The following CDHR1 variants were observed in gnomAD, a reference collection of about 807,000 sequenced individuals.
CDHR1 encodes the protein cadherin related family member 1.
A neutral mutation model predicts 72.1 loss-of-function variants in CDHR1; 61 were observed. The observed-to-expected ratio is 0.85, with a 90% CI of 0.69 to 1.05. CDHR1 has a LOEUF of 1.05. Among genes scored for constraint, CDHR1 ranks in the 50% least tolerant of loss-of-function variants. The pLI is 0.00. For missense variants in CDHR1, 1,186 were observed against 1,115.7 expected, an observed-to-expected ratio of 1.06 and a Z score of -0.90; for synonymous variants, 470 against 448.1, an observed-to-expected ratio of 1.05 and a Z score of -0.62.
Position 84,211,692 on chromosome 10 carries a change from C to T in CDHR1, c.1530C>T (p.Ser510=). 6.2e-7 allele frequency: 1 copy of T among 1,614,150 alleles called. No individual in the cohort carries two copies. The highest frequency in any genetic ancestry group is 1.1e-5 in the South Asian group (1 of 91,076). Residue 510 remains serine (S), a synonymous_variant, in exon 14 of 17, where the codon TCC becomes TCT. Transcript: ENST00000623527. ...DTGPWGEVKY[S]TYGTGADLFL... The stretch of plus-strand genomic sequence containing the variant: ...GACCCTGGGGCGAAGTGAAATATTC[C>T]ACCTATGGGACTGGGGCAGACCTGT...
intron 16 of CDHR1, 23 bp downstream of exon 16, chr10:84,213,371 G>GAA: frequency 6.2e-7 from 1 of 1,613,998 alleles, no homozygotes; most frequent in Non-Finnish European, 8.5e-7. Flanking sequence ...CCATGGTCAG[G>GAA]AAAAAGGGGT....
intron 6 of CDHR1, among the ~76,000 whole-genome samples, chr10:84,201,381 C>G (rs1227688485): frequency 6.6e-6 from 1 of 152,190 alleles, no homozygotes; most frequent in Non-Finnish European, 1.5e-5. Context: ...CTGCCTGGGA[C>G]TGGCCCGCAG....
rs780802010 is a variant in CDHR1 at position 84,194,796 on chromosome 10, G to A, written c.36G>A (p.Gly12=). Residue 12 remains glycine (G), a synonymous_variant, in exon 1 of 17, where the codon GGG becomes GGA. Transcript: ENST00000623527. ...GCCGGTGGGCCGCCCTGGCCCTGGG[G>A]CTGCTGCGCCTCTGCTTGGGTGAGT... ...RRCRWAALAL[G]LLRLCLAQAN... 16 of 1,532,150 alleles carry A rather than the reference G, an allele frequency of 1.0e-5. No homozygotes were observed. The highest frequency in any genetic ancestry group is 1.4e-5 in the Non-Finnish European group (16 of 1,145,740). The allele number at this position is 1,532,150 out of a possible 1,614,324, so 94.9% of individuals were successfully genotyped here. A position where few individuals can be genotyped will look rare whatever the true frequency, so the allele number is the denominator to read the frequency against.
intron 1 of CDHR1, among the ~76,000 whole-genome samples, 155 bp downstream of exon 1, chr10:84,194,970 C>G (rs748146496): frequency 6.6e-6 from 1 of 152,178 alleles, no homozygotes; most frequent in Non-Finnish European, 1.5e-5. Flanking sequence ...TCTTCCTGGC[C>G]CATTCGGTAG....
At chr10:84,195,667 C>G (rs566282051) in intron 2 of CDHR1, 78 bp downstream of exon 2, 3 of 1,294,704 alleles carry the variant, frequency 2.3e-6, no homozygotes, top group Non-Finnish European at 3.3e-6. Context: ...GTGCCCCAGG[C>G]ACCACCCAAG....
Position 84,208,898 on chromosome 10 carries a change from A to T in CDHR1, c.1320+17A>T. On this transcript the variant is annotated intron_variant, in intron 12 of 16. Coordinates refer to ENST00000623527, the MANE Select transcript of CDHR1 (RefSeq NM_033100.4). ...ACCTTCAAGGTAGGTGGTGCCCTGA[A>T]TTCACTGCCCTGAATGGGAGGGTCC... is the stretch of plus-strand genomic sequence containing the variant. 1 of 1,612,334 alleles carries T rather than the reference A, an allele frequency of 6.2e-7. No homozygotes were observed. The highest frequency in any genetic ancestry group is 8.5e-7 in the Non-Finnish European group (1 of 1,178,998).
In CDHR1 at chr10:84,214,443, C is replaced by CTA. The variant is rs775973377; in HGVS notation, c.2402_2403insTA (p.Pro802SerfsTer40). On this transcript the variant is annotated frameshift_variant, in exon 17 of 17. Coordinates refer to ENST00000623527, the MANE Select transcript of CDHR1 (RefSeq NM_033100.4). LOFTEE classifies it low-confidence loss of function (END_TRUNC). The stretch of plus-strand genomic sequence containing the variant: ...GCTCTCCCTCCACCACCCAGCGTGG[C>CTA]GCCCAGCACTGGCGCAGCCCAGTGG... The CTA allele has an allele frequency of 2.5e-6, 4 of 1,612,678 alleles. No homozygotes were observed. The highest frequency in any genetic ancestry group is 3.4e-6 in the Non-Finnish European group (4 of 1,179,948).
intron 6 of CDHR1, 23 bp from the exon 7 acceptor site, chr10:84,201,784 C>T (rs1303545031): frequency 6.3e-7 from 1 of 1,594,840 alleles, no homozygotes; most frequent in Admixed American, 1.7e-5. Context: ...TGCTGAGGTC[C>T]AGCTGCCCCC....
At position 84,214,851 on chromosome 10, in the gene CDHR1, T is replaced by C. The variant is rs1238926856; in HGVS notation, c.*230T>C. On this transcript the variant is annotated 3_prime_UTR_variant, in exon 17 of 17. Transcript: ENST00000623527. ...CAAGACATTGGGCTCTAGGATGCAA[T>C]TGGCAAATACGTCCCCGTTACTCAA... 24 of 1,458,892 alleles carry C rather than the reference T, an allele frequency of 1.6e-5. No homozygotes were observed. Among genetic ancestry groups the C allele is most frequent in the African/African-American group, 5.7e-5 (4 of 70,108 alleles). The allele number at this position is 1,458,892 out of a possible 1,614,324, so 90.4% of individuals were successfully genotyped here. A position where few individuals can be genotyped will look rare whatever the true frequency, so the allele number is the denominator to read the frequency against.
chr10:84,214,772 C>A lies in CDHR1; in HGVS notation c.*151C>A. 1 of 1,558,378 alleles carries A rather than the reference C, an allele frequency of 6.4e-7. No individual in the cohort carries two copies. On this transcript the variant is annotated 3_prime_UTR_variant, in exon 17 of 17. Coordinates refer to ENST00000623527, the MANE Select transcript of CDHR1 (RefSeq NM_033100.4). ...CCACTGTCCTCATCTCTACCGCCAC[C>A]TTCTGGCGCAACAAGAAGTTGCGCT...
chr10:84,202,084 T>C (rs1439923422), intron 7 of CDHR1, among the ~76,000 whole-genome samples, 164 bp downstream of exon 7: 1 of 152,112 alleles, frequency 6.6e-6, no homozygotes, highest in Non-Finnish European at 1.5e-5. Context: ...GGACATATTC[T>C]CCAGGGAGGC....
Position 84,214,628 on chromosome 10 carries a change from C to A in CDHR1, c.*7C>A. The A allele has an allele frequency of 6.3e-7, 1 of 1,599,536 alleles. No homozygotes were observed. The highest frequency in any genetic ancestry group is 1.1e-5 in the South Asian group (1 of 91,078). On this transcript the variant is annotated 3_prime_UTR_variant, in exon 17 of 17. Coordinates refer to ENST00000623527, the MANE Select transcript of CDHR1 (RefSeq NM_033100.4). Reference sequence around the variant, plus strand: ...CAACAAGGCTTACTTCTAGTGTATGCCCTATGACCCCCCATCTTTCCTCCG... The same window carrying A: ...CAACAAGGCTTACTTCTAGTGTATGACCTATGACCCCCCATCTTTCCTCCG...
chr10:84,202,528 C>A (rs1056582217), intron 7 of CDHR1, among the ~76,000 whole-genome samples: 3 of 152,164 alleles, frequency 2.0e-5, no homozygotes, highest in African/African-American at 7.2e-5. Context: ...ACCAGGAGGC[C>A]CGAGTCAGCC....
chr10:84,213,254 A>G lies in CDHR1; in HGVS notation c.1946A>G (p.Asp649Gly), dbSNP rs759753493. Residue 649 changes from aspartate (D) to glycine (G), a missense_variant, in exon 16 of 17, where the codon GAC becomes GGC. Transcript: ENST00000623527. ...CTGCACAACATCACACCTGGAAGGG[A>G]CTGCCTATGGTCCCTAGAGGTGCAG... is the stretch of plus-strand genomic sequence containing the variant. ...DALHNITPGR[D>G]CLWSLEVQAK... 7 of 1,614,088 alleles carry G rather than the reference A, an allele frequency of 4.3e-6. No individual in the cohort carries two copies. Among genetic ancestry groups the G allele is most frequent in the Admixed American group, 3.3e-5 (2 of 60,000 alleles).
At chr10:84,219,123 A>G (rs992366090), downstream of CDHR1, 6 of 1,446,416 alleles carry the variant, frequency 4.1e-6, no homozygotes, top group African/African-American at 8.6e-5. Flanking sequence ...TCCCTGGTAC[A>G]ACAAAGTCAG....
intron 9 of CDHR1, among the ~76,000 whole-genome samples, chr10:84,204,893 T>C (rs958148889): frequency 6.6e-6 from 1 of 152,246 alleles, no homozygotes; most frequent in Non-Finnish European, 1.5e-5. Context: ...TTGATGGGAA[T>C]GCGTGGCAAC....
Position 84,197,808 on chromosome 10 carries a change from T to C in CDHR1, c.320T>C (p.Ile107Thr). ...CAGAGGGAAGATGAGATTGAAGCCA[T>C]CATCAGCATTTCTGATGGCCTGAAT... is the stretch of plus-strand genomic sequence containing the variant. ...DREREDEIEA[I>T]ISISDGLNLV... The change falls in exon 4 of 17, where the codon ATC (isoleucine) becomes ACC (threonine). Residue 107 changes from isoleucine (I) to threonine (T), a missense_variant. Ile to Thr is a moderately conservative substitution (Grantham distance 89). Transcript: ENST00000623527. 1 of 1,614,036 alleles carries C rather than the reference T, an allele frequency of 6.2e-7. No individual in the cohort carries two copies. Among genetic ancestry groups the C allele is most frequent in the South Asian group, 1.1e-5 (1 of 91,072 alleles).
chr10:84,218,809 C>T, downstream of CDHR1: 1 of 1,025,670 alleles, frequency 9.7e-7, no homozygotes, highest in South Asian at 4.6e-5. Flanking sequence ...CATATGTAGT[C>T]TTAATAAGAT....
At chr10:84,202,590 T>C (rs1842147483) in intron 7 of CDHR1, among the ~76,000 whole-genome samples, 1 of 152,190 alleles carries the variant, frequency 6.6e-6, no homozygotes. Context: ...TCCATTATGA[T>C]GCTCAGTGCG....
Sources: gnomAD v4.1 joint callset for allele counts (sites outside exome capture counted in the v4.1 genomes callset) on GRCh38, gnomAD v4.1.1 for gene constraint, MANE v1.5 for transcripts, NCBI Gene and HGNC (gene_info 2026-07-23, HGNC 2026-07-21) for gene names.